Variants in CLINT1 observed in about 807,000 individuals in gnomAD.
The protein encoded by CLINT1 is clathrin interactor 1.
Under a neutral mutation model 70.4 loss-of-function variants are expected in CLINT1, and 15 were observed. That is an observed-to-expected ratio of 0.21 (90% confidence interval 0.14 to 0.33). The LOEUF (loss-of-function observed/expected upper bound fraction) is 0.33. Ranked by LOEUF, CLINT1 falls within the 10% of genes least tolerant of loss-of-function variation. CLINT1 has a pLI of 1.00. For missense variants in CLINT1, 615 were observed against 778.1 expected (o/e 0.79, Z 2.49); for synonymous variants, 227 against 254.7 (o/e 0.89, Z 1.04).
chr5:157,791,983 C>T lies in CLINT1; in HGVS notation c.1100G>A (p.Ser367Asn). 1 of 1,612,940 alleles carries T rather than the reference C, an allele frequency of 6.2e-7. No individual in the cohort carries two copies. Among genetic ancestry groups the T allele is most frequent in the Non-Finnish European group, 8.5e-7 (1 of 1,179,384 alleles). Residue 367 changes from serine to asparagine, a missense_variant, in exon 10 of 12, where the codon AGT becomes AAT. Transcript: ENST00000411809. ...GSFPSQVTATSGNGDFGDWSA... is the reference protein window; with the variant it reads ...GSFPSQVTATNGNGDFGDWSA... ...CCAGTCACCAAAGTCTCCATTCCCA[C>T]TTGTTGCTGTTACTAAGACAGAAAT...
intron 1 of CLINT1, among the ~76,000 whole-genome samples, chr5:157,822,410 T>C (rs1248843989): frequency 1.3e-5 from 2 of 152,304 alleles, no homozygotes; most frequent in East Asian, 1.9e-4. Context: ...GCTGCTGCCA[T>C]GTAAAAAGTG....
intron 1 of CLINT1, among the ~76,000 whole-genome samples, chr5:157,820,520 G>C (rs1308526018): frequency 1.3e-5 from 2 of 152,104 alleles, no homozygotes; most frequent in African/African-American, 4.8e-5. Context: ...CCAAGACAAA[G>C]TATTTTAAGC....
At chr5:157,852,574 G>C (rs1327883720) in intron 1 of CLINT1, among the ~76,000 whole-genome samples, 1 of 152,132 alleles carries the variant, frequency 6.6e-6, no homozygotes, top group Non-Finnish European at 1.5e-5. Context: ...GATGTTTCAA[G>C]AGTTTACTGT....
intron 1 of CLINT1, among the ~76,000 whole-genome samples, chr5:157,858,424 T>C (rs1753823665): frequency 6.6e-6 from 1 of 152,190 alleles, no homozygotes; most frequent in East Asian, 1.9e-4. Flanking sequence ...ACACTTCAGG[T>C]TCATTAGGAA....
At chr5:157,855,162 G>GGGC (rs1554103611) in intron 1 of CLINT1, among the ~76,000 whole-genome samples, 4 of 90,988 alleles carry the variant, frequency 4.4e-5, no homozygotes, top group African/African-American at 1.3e-4. Flanking sequence ...AAAGGCGGGG[G>GGGC]GGGGGGCGGG....
intron 1 of CLINT1, among the ~76,000 whole-genome samples, chr5:157,849,378 G>A (rs1347986751): frequency 1.3e-5 from 2 of 152,086 alleles, no homozygotes; most frequent in East Asian, 3.8e-4. Flanking sequence ...TTTAAATTAA[G>A]GTATGTACTT....
intron 1 of CLINT1, among the ~76,000 whole-genome samples, chr5:157,843,702 T>A (rs1753273400): frequency 6.6e-6 from 1 of 152,166 alleles, no homozygotes; most frequent in Non-Finnish European, 1.5e-5. Flanking sequence ...AACACTCTAT[T>A]AAGGCAATTT....
At chr5:157,840,525 G>A (rs909669105) in intron 1 of CLINT1, among the ~76,000 whole-genome samples, 3 of 151,640 alleles carry the variant, frequency 2.0e-5, no homozygotes, top group African/African-American at 4.8e-5. Context: ...GAAGCAAAGG[G>A]GGCATGATGT....
At chr5:157,836,930 G>A (rs936345616) in intron 1 of CLINT1, among the ~76,000 whole-genome samples, 5 of 151,976 alleles carry the variant, frequency 3.3e-5, no homozygotes, top group African/African-American at 9.7e-5. Context: ...ACCAAAACTT[G>A]TTTACAGGTA....
intron 1 of CLINT1, among the ~76,000 whole-genome samples, chr5:157,831,243 A>T (rs1763234974): frequency 6.8e-6 from 1 of 147,490 alleles, no homozygotes; most frequent in Admixed American, 6.9e-5. Flanking sequence ...GCTGGAGTGC[A>T]GTGGCAGGAT....
At chr5:157,838,970 C>T (rs1344558379) in intron 1 of CLINT1, among the ~76,000 whole-genome samples, 2 of 152,230 alleles carry the variant, frequency 1.3e-5, no homozygotes, top group Non-Finnish European at 2.9e-5. Context: ...TGTGCTGGCT[C>T]ATGCCTATAA....
intron 8 of CLINT1, among the ~76,000 whole-genome samples, chr5:157,800,589 T>C (rs1762180267): frequency 6.6e-6 from 1 of 152,158 alleles, no homozygotes; most frequent in South Asian, 2.1e-4. Flanking sequence ...ACATACGGTT[T>C]CAAATAGGAG....
intron 1 of CLINT1, among the ~76,000 whole-genome samples, chr5:157,848,194 G>C (rs985068485): frequency 6.6e-6 from 1 of 151,418 alleles, no homozygotes; most frequent in African/African-American, 2.4e-5. Context: ...CCACTTTCCA[G>C]ATTCAAGCAA....
At chr5:157,812,961 A>G (rs1762607998) in intron 5 of CLINT1, 102 bp downstream of exon 5, 1 of 1,130,872 alleles carries the variant, frequency 8.8e-7, no homozygotes, top group Admixed American at 2.4e-5. Flanking sequence ...GTATTCCTAG[A>G]AAAGAAAATT....
intron 1 of CLINT1, among the ~76,000 whole-genome samples, chr5:157,830,751 TCTCTCC>T (rs1301174700): frequency 9.7e-4 from 107 of 110,334 alleles, no homozygotes; most frequent in Non-Finnish European, 1.2e-3. Flanking sequence ...CCCCTCCCTC[TCTCTCC>T]CTCTCTCTCT....
At chr5:157,825,190 A>G (rs1285547157) in intron 1 of CLINT1, among the ~76,000 whole-genome samples, 1 of 152,140 alleles carries the variant, frequency 6.6e-6, no homozygotes, top group Non-Finnish European at 1.5e-5. Context: ...CATATAACCT[A>G]TTCAATCCAA....
chr5:157,848,850 C>T (rs1460712883), intron 1 of CLINT1, among the ~76,000 whole-genome samples: 1 of 152,040 alleles, frequency 6.6e-6, no homozygotes, highest in African/African-American at 2.4e-5. Flanking sequence ...TTAGTAGAGA[C>T]GGGGTTTCAC....
chr5:157,833,695 C>T (rs750902028), intron 1 of CLINT1, among the ~76,000 whole-genome samples: 2 of 152,196 alleles, frequency 1.3e-5, no homozygotes, highest in African/African-American at 2.4e-5. Context: ...GCAATCCCAG[C>T]ACTTTGGGAG....
At chr5:157,858,790 G>T in intron 1 of CLINT1, 140 bp downstream of exon 1, 1 of 873,504 alleles carries the variant, frequency 1.1e-6, no homozygotes, top group Non-Finnish European at 1.7e-6. Context: ...CCGGGGCCGG[G>T]AAGGAGCGGG....
Sources: gnomAD v4.1 joint callset for allele counts (sites outside exome capture counted in the v4.1 genomes callset) on GRCh38, gnomAD v4.1.1 for gene constraint, MANE v1.5 for transcripts, NCBI Gene and HGNC (gene_info 2026-07-23, HGNC 2026-07-21) for gene names.